Variants in GGT1 observed in about 807,000 individuals in gnomAD.
GGT1 encodes the protein gamma-glutamyltransferase 1.
In GGT1, 21 loss-of-function variants were observed where a neutral mutation model predicts 56.0. The ratio of observed to expected loss-of-function variants is 0.38; its 90% CI spans 0.27 to 0.54. GGT1 has a LOEUF of 0.54. Among genes scored for constraint, GGT1 ranks in the 20% least tolerant of loss-of-function variants. The pLI is 0.82. For missense variants in GGT1, 466 were observed against 787.0 expected, an observed-to-expected ratio of 0.59 and a Z score of 4.88; for synonymous variants, 238 against 342.6, an observed-to-expected ratio of 0.69 and a Z score of 3.37.
upstream of GGT1, among the ~76,000 whole-genome samples, chr22:24,602,624 T>G (rs1209874095): frequency 2.0e-5 from 3 of 152,066 alleles, no homozygotes; most frequent in Non-Finnish European, 4.4e-5. Flanking sequence ...GGTCAGCCTG[T>G]TTGCTCAGAC....
rs772982939 is a variant in GGT1, at chr22:24,628,877, A to G, written c.*38A>G. On this transcript the variant is annotated 3_prime_UTR_variant, in exon 16 of 16. Transcript: ENST00000400382. The surrounding 1 kb of genome is among the most constrained non-coding windows in gnomAD (Gnocchi z 5.7). ...GACAAGGCTGACAAGCAATCCAGGG[A>G]CAAGATACTCACCAGGACCAGGAAG... is the stretch of plus-strand genomic sequence containing the variant. The G allele has an allele frequency of 4.7e-5, 75 of 1,586,110 alleles. No individual in the cohort carries two copies. The highest frequency in any genetic ancestry group is 5.5e-5 in the Non-Finnish European group (64 of 1,167,888).
the GGT1 span, chr22:24,585,808 C>G: frequency 9.1e-5 from 124 of 1,366,864 alleles, 1 homozygote; most frequent in Non-Finnish European, 1.1e-4. Flanking sequence ...CCTGTGAGTC[C>G]TCCTTGACCT....
At position 24,627,945 on chromosome 22, in the gene GGT1, G is replaced by A. The variant is rs1376208960; in HGVS notation, c.1302G>A (p.Gly434=). The change falls in exon 13 of 16, where the codon GGG becomes GGA. Residue 434 remains glycine, a synonymous_variant. Coordinates refer to ENST00000400382, the MANE Select transcript of GGT1 (RefSeq NM_001288833.2). ...FSSPSITNEF[G]VPPSPANFIQ... Reference sequence around the variant, plus strand: ...CTCCCAGCATCACCAACGAGTTTGGGGTACCCCCCTCACCTGCCAATTTCA... The same window carrying A: ...CTCCCAGCATCACCAACGAGTTTGGAGTACCCCCCTCACCTGCCAATTTCA... The A allele has an allele frequency of 6.2e-7, 1 of 1,613,696 alleles. No individual in the cohort carries two copies. Among genetic ancestry groups the A allele is most frequent in the Non-Finnish European group, 8.5e-7 (1 of 1,179,814 alleles).
upstream of GGT1, among the ~76,000 whole-genome samples, chr22:24,591,358 C>G (rs559720380): frequency 2.0e-5 from 3 of 152,192 alleles, no homozygotes; most frequent in East Asian, 5.8e-4. Flanking sequence ...GGATTATAGG[C>G]GTGAGCCACT....
chr22:24,609,316 G>T (rs553883131), intron 2 of GGT1: 1 of 152,386 alleles, frequency 6.6e-6, no homozygotes, highest in Admixed American at 6.5e-5. Context: ...AGGCTGTGGT[G>T]GTCACGGTGG....
chr22:24,589,039 G>A, the GGT1 span: 8 of 1,023,736 alleles, frequency 7.8e-6, no homozygotes, highest in Non-Finnish European at 9.4e-6. Context: ...AGCCCTGGCT[G>A]TTCCTGTGAT....
At chr22:24,602,932 G>C (rs8138050), upstream of GGT1, among the ~76,000 whole-genome samples, 4 of 151,506 alleles carry the variant, frequency 2.6e-5, no homozygotes, top group Admixed American at 2.6e-4. Context: ...TCTGCCTCCC[G>C]CTGAAACCCA....
At chr22:24,588,405 G>C in the GGT1 span, 1 of 1,165,226 alleles carries the variant, frequency 8.6e-7, no homozygotes, top group Admixed American at 1.9e-5. Context: ...GAGGGACCCA[G>C]GCAGCCAAGT....
intron 11 of GGT1, among the ~76,000 whole-genome samples, chr22:24,626,613 G>A (rs200877820): frequency 2.6e-5 from 4 of 151,596 alleles, no homozygotes; most frequent in Middle Eastern, 6.8e-3. Flanking sequence ...CTCGCTAGTC[G>A]GCGCCATCCT....
chr22:24,605,189 A>G (rs2046010630), intron 1 of GGT1, among the ~76,000 whole-genome samples: 1 of 70,870 alleles, frequency 1.4e-5, no homozygotes, highest in Admixed American at 2.6e-4. Context: ...AATATATTAT[A>G]TAATATATAA....
At chr22:24,597,540 G>C (rs1244206643) in intron 1 of GGT1, among the ~76,000 whole-genome samples, 1 of 152,142 alleles carries the variant, frequency 6.6e-6, no homozygotes, top group African/African-American at 2.4e-5. Flanking sequence ...AATTAGCTGG[G>C]TATGGTGGCA....
chr22:24,595,623 GA>G (rs749876015), intron 1 of GGT1, among the ~76,000 whole-genome samples: 5 of 152,224 alleles, frequency 3.3e-5, no homozygotes, highest in Non-Finnish European at 5.9e-5. Context: ...AGGTAGGGAG[GA>G]CACAGCTAGA....
the GGT1 span, chr22:24,588,638 G>T: frequency 1.8e-6 from 2 of 1,120,352 alleles, no homozygotes; most frequent in South Asian, 2.2e-5. Context: ...CGGGCTATCA[G>T]CCGGCTGCCT....
At chr22:24,602,476 C>T (rs1021775861), upstream of GGT1, among the ~76,000 whole-genome samples, 13 of 152,208 alleles carry the variant, frequency 8.5e-5, no homozygotes, top group Admixed American at 4.6e-4. Flanking sequence ...GTGTGGACCT[C>T]GATCTGAGGG....
chr22:24,603,471 C>T lies in GGT1; in HGVS notation c.-485C>T, dbSNP rs2045828798. Reference sequence around the variant, plus strand: ...ACCCGTGCAGTGGGAGTGAGTTGCACTTCGGGGTGAAGGGGGCAAGACTTG... The same window carrying T: ...ACCCGTGCAGTGGGAGTGAGTTGCATTTCGGGGTGAAGGGGGCAAGACTTG... On this transcript the variant is annotated 5_prime_UTR_variant, in exon 1 of 16. Transcript: ENST00000400382. The T allele has an allele frequency of 6.6e-6, 1 of 152,320 alleles. No homozygotes were observed. The highest frequency in any genetic ancestry group is 6.5e-5 in the Admixed American group (1 of 15,270). The allele number at this position is 152,320 out of a possible 1,614,324, so 9.4% of individuals were successfully genotyped here.
chr22:24,626,163 T>G (rs1280447021), intron 11 of GGT1, among the ~76,000 whole-genome samples: 1 of 148,368 alleles, frequency 6.7e-6, no homozygotes, highest in African/African-American at 2.6e-5. Flanking sequence ...CAGCTAATTT[T>G]TTGTATTTTT....
At chr22:24,600,813 G>A (rs945378613), upstream of GGT1, among the ~76,000 whole-genome samples, 3 of 152,168 alleles carry the variant, frequency 2.0e-5, no homozygotes, top group Non-Finnish European at 4.4e-5. Flanking sequence ...CTTAGACAGT[G>A]GGCAGGATCT....
At chr22:24,621,788 C>A (rs569732362) in intron 9 of GGT1, among the ~76,000 whole-genome samples, 1 of 151,788 alleles carries the variant, frequency 6.6e-6, no homozygotes, top group African/African-American at 2.4e-5. Flanking sequence ...CGGTGGCTCA[C>A]GTCTGTAATC....
chr22:24,612,244 CT>C (rs796939700), intron 5 of GGT1, among the ~76,000 whole-genome samples: 4,450 of 75,364 alleles, frequency 0.059, 141 homozygotes, highest in African/African-American at 0.13. Context: ...CCGGCTTATT[CT>C]TTTTTTTTTT....
Sources: allele counts gnomAD v4.1 joint callset (sites outside exome capture counted in the v4.1 genomes callset), GRCh38; gene constraint gnomAD v4.1.1; non-coding constraint Gnocchi (gnomAD v3.1); transcripts MANE v1.5; gene names NCBI Gene and HGNC (gene_info 2026-07-23, HGNC 2026-07-21).